DNAH12: variants seen among roughly 807,000 people sequenced by gnomAD.
DNAH12 encodes dynein axonemal heavy chain 12, also known as axonemal beta dynein heavy chain 12.
In DNAH12, 285 loss-of-function variants were observed where a neutral mutation model predicts 371.5. That is an observed-to-expected ratio of 0.77 (90% CI 0.70 to 0.85). The LOEUF (loss-of-function observed/expected upper bound fraction) is 0.85. Among genes scored for constraint, DNAH12 ranks in the 40% least tolerant of loss-of-function variants. The pLI, the probability that DNAH12 is intolerant of heterozygous loss-of-function variation, is 0.00. For synonymous variants in DNAH12, 1,200 were observed against 1,213.0 expected, an observed-to-expected ratio of 0.99 and a Z score of 0.22; for missense variants, 3,611 against 3,689.4, an observed-to-expected ratio of 0.98 and a Z score of 0.55.
chr3:57,463,273 CTATT>C (rs2066108512), intron 17 of DNAH12, among the ~76,000 whole-genome samples: 1 of 144,436 alleles, frequency 6.9e-6, no homozygotes, highest in Non-Finnish European at 1.5e-5. Flanking sequence ...GGACTTGTCT[CTATT>C]TAGAAAAAAA....
chr3:57,446,829 A>C, intron 25 of DNAH12, 140 bp from the exon 26 acceptor site: 1 of 896,430 alleles, frequency 1.1e-6, no homozygotes, highest in Non-Finnish European at 1.5e-6. Context: ...TTTTTAGCCC[A>C]AATTTTTCTA....
intron 34 of DNAH12, among the ~76,000 whole-genome samples, chr3:57,428,079 C>T (rs1034438887): frequency 1.3e-5 from 2 of 151,998 alleles, no homozygotes; most frequent in Non-Finnish European, 2.9e-5. Context: ...CAGGCATGTA[C>T]CACCATGCCC....
Position 57,504,079 on chromosome 3 carries a change from A to C in DNAH12, c.1023T>G (p.Pro341=), listed in dbSNP as rs762484747. 1.2e-6 allele frequency: 2 copies of C among 1,614,076 alleles called. No homozygotes were observed. Among genetic ancestry groups the C allele is most frequent in the Non-Finnish European group, 1.7e-6 (2 of 1,179,962 alleles). Reference sequence around the variant, plus strand: ...CATTATCTTCCAAATCTTGAAAGGTAGGATAAAATTCCATTTTGTCGTCAT... The same window carrying C: ...CATTATCTTCCAAATCTTGAAAGGTCGGATAAAATTCCATTTTGTCGTCAT... The part of the protein sequence containing the change: ...TFDDDKMEFY[P]TFQDLEDNVL... Residue 341 remains proline, a synonymous_variant, in exon 9 of 74, where the codon CCT becomes CCG. Coordinates refer to ENST00000495027, the MANE Select transcript of DNAH12 (RefSeq NM_001366028.2).
chr3:57,471,307 T>G (rs1297898922), intron 15 of DNAH12, among the ~76,000 whole-genome samples, 165 bp downstream of exon 15: 2 of 149,408 alleles, frequency 1.3e-5, no homozygotes, highest in Admixed American at 6.7e-5. Flanking sequence ...TACTATATAT[T>G]ATAGTATTAG....
chr3:57,547,175 A>AT (rs1249261682), upstream of DNAH12, among the ~76,000 whole-genome samples: 18 of 144,612 alleles, frequency 1.2e-4, no homozygotes, highest in East Asian at 2.4e-3. Context: ...TGTTTAAAAA[A>AT]ATATATATAT....
Position 57,438,918 on chromosome 3 carries a change from C to CGAAAAAAAAAACAAAAAA in DNAH12, c.4546-1859_4546-1858insTTTTTTGTTTTTTTTTTC, listed in dbSNP as rs562343761. The stretch of plus-strand genomic sequence containing the variant: ...CAACAGAGTGAAACTCTGTCTCAGA[C>CGAAAAAAAAAACAAAAAA]AAAAAAAAAAAAAAGGAAAGCAACT... On this transcript the variant is annotated intron_variant, in intron 29 of 73. Coordinates refer to ENST00000495027, the MANE Select transcript of DNAH12 (RefSeq NM_001366028.2). 2.1e-5 allele frequency among the ~76,000 whole-genome samples: 2 copies of CGAAAAAAAAAACAAAAAA among 94,496 alleles called. 1 individual carries two copies. The highest frequency in any genetic ancestry group is 4.0e-5 in the Non-Finnish European group (2 of 49,408). The allele number at this position is 94,496 out of a possible 152,430, so 62.0% of individuals were successfully genotyped here.
At position 57,419,407 on chromosome 3, in the gene DNAH12, T is replaced by C; in HGVS notation, c.5674A>G (p.Arg1892Gly). ...DIIVPTMDTIRYTFLMDLSIT... is the reference protein window; with the variant it reads ...DIIVPTMDTIGYTFLMDLSIT... ...CTCAAATCCATTAGAAACGTATATC[T>C]AATTGTGTCCATCGTAGGGACTATG... The change falls in exon 37 of 74, where the codon AGA (arginine) becomes GGA (glycine). Residue 1892 changes from arginine (R) to glycine (G), a missense_variant. By Grantham distance (125) the Arg-to-Gly change is moderately radical. Around this residue, in one of 3 missense-constraint regions of DNAH12, gnomAD observed 2,266 missense variants for 2,236.9 expected, o/e 1.01. Coordinates refer to ENST00000495027, the MANE Select transcript of DNAH12 (RefSeq NM_001366028.2). 2 of 1,512,480 alleles carry C rather than the reference T, an allele frequency of 1.3e-6. No homozygotes were observed. The highest frequency in any genetic ancestry group is 2.4e-5 in the Admixed American group (1 of 42,438). 93.7% of individuals were successfully genotyped at this position (1,512,480 alleles called of 1,614,324 possible).
At position 57,500,389 on chromosome 3, in the gene DNAH12, G is replaced by A. The variant is rs150834703; in HGVS notation, c.1335+932C>T. Among the ~76,000 whole-genome samples, 74 of 152,216 alleles carry A rather than the reference G, an allele frequency of 4.9e-4. 2 individuals carry two copies. In the East Asian group the frequency reaches 0.013, roughly 26 times the overall value. ...GATCCGAATAGATTACTTCCACAGCGAAAAACCTTCAGAACAAAGTACAAA... is the reference window on the plus strand; with the variant it reads ...GATCCGAATAGATTACTTCCACAGCAAAAAACCTTCAGAACAAAGTACAAA... On this transcript the variant is annotated intron_variant, in intron 11 of 73. Transcript: ENST00000495027.
rs1002914879 is a variant in DNAH12, at chr3:57,368,207, T to C, written c.8813A>G (p.Glu2938Gly). 1.3e-5 allele frequency: 2 copies of C among 152,308 alleles called. No homozygotes were observed. Among genetic ancestry groups the C allele is most frequent in the African/African-American group, 4.8e-5 (2 of 41,574 alleles). 9.4% of individuals were successfully genotyped at this position (152,308 alleles called of 1,614,324 possible). Residue 2938 changes from glutamate (E) to glycine (G), a missense_variant, in exon 56 of 74, where the codon GAA becomes GGA. Physicochemically the swap from Glu to Gly is moderately conservative, Grantham distance 98. Transcript: ENST00000495027. The stretch of plus-strand genomic sequence containing the variant: ...AATAACACTAAGCTGATTTTCTTTT[T>C]CAGAGTTTTTGATCCACTTATTGGC... ...GQANKWIKNS[E>G]KENQLSVIKL...
intron 34 of DNAH12, 100 bp downstream of exon 34, chr3:57,428,533 T>C: frequency 6.6e-7 from 1 of 1,516,210 alleles, no homozygotes; most frequent in Non-Finnish European, 8.8e-7. Context: ...AAGGACAAAC[T>C]GGTTTTAGTT....
At chr3:57,499,931 A>G (rs976943147) in intron 11 of DNAH12, among the ~76,000 whole-genome samples, 3 of 151,826 alleles carry the variant, frequency 2.0e-5, no homozygotes, top group Admixed American at 2.0e-4. Flanking sequence ...AACAGTCAAT[A>G]GAAAGGGGGA....
intron 43 of DNAH12, among the ~76,000 whole-genome samples, chr3:57,398,403 T>C (rs2063788656): frequency 1.3e-5 from 2 of 152,120 alleles, no homozygotes. Flanking sequence ...ATTTCTCAAA[T>C]CTCAGGAAAG....
intron 66 of DNAH12, among the ~76,000 whole-genome samples, chr3:57,312,148 A>G (rs1356428020): frequency 6.6e-6 from 1 of 152,320 alleles, no homozygotes; most frequent in East Asian, 1.9e-4. Context: ...AAATAATTCT[A>G]AATTCTCTAG....
chr3:57,408,303 G>A lies in DNAH12; in HGVS notation c.6253C>T (p.Gln2085Ter). 5.2e-6 allele frequency: 8 copies of A among 1,550,476 alleles called. No individual in the cohort carries two copies. Among genetic ancestry groups the A allele is most frequent in the Non-Finnish European group, 7.0e-6 (8 of 1,146,488 alleles). ...ACCTCCATAGTCCCATTGACTATCT[G>A]GTTCCCAATTACAAAGTACTCTGGA... ...FPPEYFVIGN[Q>*]IVNGTMEIYK... Residue 2085 changes from glutamine (Q) to a stop codon, truncating the protein, a stop_gained, in exon 40 of 74, where the codon CAG (glutamine) becomes TAG (stop). Transcript: ENST00000495027. LOFTEE classifies it high-confidence loss of function.
intron 9 of DNAH12, among the ~76,000 whole-genome samples, chr3:57,503,394 GTT>G (rs1256442215): frequency 6.9e-6 from 1 of 144,350 alleles, no homozygotes. Context: ...TTTATTATTG[GTT>G]TTTTTTTTTT....
At chr3:57,361,507 C>G (rs1450520855) in intron 58 of DNAH12, among the ~76,000 whole-genome samples, 1 of 137,656 alleles carries the variant, frequency 7.3e-6, no homozygotes, top group Non-Finnish European at 1.5e-5. Context: ...TGCAATAAAT[C>G]CATTATTGGC....
intron 38 of DNAH12, 125 bp downstream of exon 38, chr3:57,415,301 C>T: frequency 7.7e-7 from 1 of 1,298,822 alleles, no homozygotes; most frequent in East Asian, 2.8e-5. Context: ...TTGTAACTCC[C>T]CAAACATTTG....
chr3:57,302,764 A>C (rs1401590684), intron 69 of DNAH12, among the ~76,000 whole-genome samples: 6 of 148,052 alleles, frequency 4.1e-5, no homozygotes, highest in African/African-American at 1.2e-4. Context: ...TTAGTAGAGA[A>C]GGGGTTTCAC....
At chr3:57,506,373 G>A (rs1408912930) in intron 8 of DNAH12, among the ~76,000 whole-genome samples, 5 of 152,214 alleles carry the variant, frequency 3.3e-5, no homozygotes, top group South Asian at 4.2e-4. Context: ...CACAGAAGTC[G>A]ACAAACACTA....
Sources: gnomAD v4.1 joint callset for allele counts (sites outside exome capture counted in the v4.1 genomes callset) on GRCh38, gnomAD v4.1.1 for gene constraint, gnomAD v4.1.1 regional missense constraint, MANE v1.5 for transcripts, NCBI Gene and HGNC (gene_info 2026-07-23, HGNC 2026-07-21) for gene names.